Variants in HEMK2 observed in about 807,000 individuals in gnomAD.
The protein encoded by HEMK2 is HemK methyltransferase 2, ETF1 glutamine and histone H4 lysine.
chr21:28,770,364 C>CT, the HEMK2 span, among the ~76,000 whole-genome samples: 1 of 152,098 alleles, frequency 6.6e-6, no homozygotes, highest in African/African-American at 2.4e-5. Context: ...CTGGGCTCTT[C>CT]TTAGGTTTTC....
chr21:28,582,791 A>T, the HEMK2 span, among the ~76,000 whole-genome samples: 2 of 152,222 alleles, frequency 1.3e-5, no homozygotes, highest in East Asian at 3.8e-4. Context: ...CATTGTCTAC[A>T]TATAAATAAA....
the HEMK2 span, among the ~76,000 whole-genome samples, chr21:28,576,925 G>A: frequency 1.3e-5 from 2 of 152,164 alleles, no homozygotes; most frequent in Admixed American, 6.5e-5. Flanking sequence ...TAGCCAGGCT[G>A]GTCTCGAACT....
At chr21:28,845,057 T>C in the HEMK2 span, among the ~76,000 whole-genome samples, 1 of 152,098 alleles carries the variant, frequency 6.6e-6, no homozygotes, top group African/African-American at 2.4e-5. Flanking sequence ...CTACATTCAA[T>C]TTTCTAGATC....
the HEMK2 span, among the ~76,000 whole-genome samples, chr21:28,749,751 A>G: frequency 6.6e-6 from 1 of 152,224 alleles, no homozygotes; most frequent in Non-Finnish European, 1.5e-5. Flanking sequence ...CTAAGAGGAC[A>G]TGGCTCTCGG....
At chr21:28,821,068 TAGTA>T in the HEMK2 span, among the ~76,000 whole-genome samples, 1 of 152,234 alleles carries the variant, frequency 6.6e-6, no homozygotes, top group African/African-American at 2.4e-5. Flanking sequence ...TTAATAAAGA[TAGTA>T]AAGCATAAAC....
chr21:28,637,254 G>A, the HEMK2 span, among the ~76,000 whole-genome samples: 1 of 152,130 alleles, frequency 6.6e-6, no homozygotes, highest in African/African-American at 2.4e-5. Flanking sequence ...TATTAGGGTG[G>A]TGATTCTGAG....
chr21:28,865,207 C>A, the HEMK2 span, among the ~76,000 whole-genome samples: 1 of 152,046 alleles, frequency 6.6e-6, no homozygotes, highest in Admixed American at 6.6e-5. Context: ...GCTCTCTTGC[C>A]CAGGCTGGAG....
the HEMK2 span, among the ~76,000 whole-genome samples, chr21:28,636,444 G>A: frequency 9.9e-5 from 15 of 152,174 alleles, no homozygotes; most frequent in East Asian, 7.7e-4. Flanking sequence ...ACTTTTTAAC[G>A]TAAAACCATC....
the HEMK2 span, among the ~76,000 whole-genome samples, chr21:28,597,957 G>A: frequency 6.6e-6 from 1 of 152,144 alleles, no homozygotes; most frequent in African/African-American, 2.4e-5. Flanking sequence ...TGGGATAGGA[G>A]CAACAAAAGA....
the HEMK2 span, among the ~76,000 whole-genome samples, chr21:28,715,018 C>T: frequency 2.0e-5 from 3 of 152,152 alleles, no homozygotes; most frequent in African/African-American, 4.8e-5. Context: ...ATATGTACCA[C>T]ATTTTCTTTA....
chr21:28,758,894 T>C, the HEMK2 span, among the ~76,000 whole-genome samples: 3 of 152,122 alleles, frequency 2.0e-5, no homozygotes, highest in Non-Finnish European at 4.4e-5. Flanking sequence ...GTTAGAGAAG[T>C]ATGTATGCCT....
chr21:28,824,311 G>A, the HEMK2 span, among the ~76,000 whole-genome samples: 6 of 152,142 alleles, frequency 3.9e-5, no homozygotes, highest in Admixed American at 6.5e-5. Context: ...CAGAATTTAC[G>A]ACAGGAAGAA....
the HEMK2 span, among the ~76,000 whole-genome samples, chr21:28,670,720 A>T: frequency 6.6e-6 from 1 of 152,246 alleles, no homozygotes; most frequent in African/African-American, 2.4e-5. Context: ...TCACAGTTCC[A>T]CATGGCTGGG....
At chr21:28,591,214 A>G in the HEMK2 span, among the ~76,000 whole-genome samples, 1 of 152,240 alleles carries the variant, frequency 6.6e-6, no homozygotes. Context: ...CATAAAAAAG[A>G]TTACATATAA....
At chr21:28,880,229 TG>T in the HEMK2 span, among the ~76,000 whole-genome samples, 168 of 152,274 alleles carry the variant, frequency 1.1e-3, 1 homozygote, top group African/African-American at 3.3e-3. Context: ...TTTTAGAAAA[TG>T]AAATAAGAAA....
At chr21:28,664,030 CT>C in the HEMK2 span, among the ~76,000 whole-genome samples, 1 of 152,202 alleles carries the variant, frequency 6.6e-6, no homozygotes, top group East Asian at 1.9e-4. Flanking sequence ...TTGGCAAAAA[CT>C]TTTTTACAGC....
chr21:28,754,508 G>A, the HEMK2 span, among the ~76,000 whole-genome samples: 29,423 of 152,106 alleles, frequency 0.19, 3,565 homozygotes, highest in African/African-American at 0.34. Flanking sequence ...ATGCCTTTTA[G>A]CATGTGGGCA....
At chr21:28,722,753 G>A in the HEMK2 span, among the ~76,000 whole-genome samples, 6 of 152,110 alleles carry the variant, frequency 3.9e-5, no homozygotes, top group Admixed American at 6.5e-5. Context: ...GCATGGTGGC[G>A]CATGCCTGTA....
At chr21:28,682,985 A>G in the HEMK2 span, among the ~76,000 whole-genome samples, 1 of 152,172 alleles carries the variant, frequency 6.6e-6, no homozygotes, top group African/African-American at 2.4e-5. Flanking sequence ...AACATGGCAC[A>G]TGTATACATA....
Sources: allele counts gnomAD v4.1 joint callset (sites outside exome capture counted in the v4.1 genomes callset), GRCh38; gene constraint gnomAD v4.1.1; transcripts MANE v1.5; gene names NCBI Gene and HGNC (gene_info 2026-07-23, HGNC 2026-07-21).